Variants in TLN2 observed in about 807,000 individuals in gnomAD.
TLN2 encodes talin-2.
Under a neutral mutation model 294.7 loss-of-function variants are expected in TLN2, and 118 were observed. The observed-to-expected ratio is 0.40, with a 90% CI of 0.34 to 0.47. The LOEUF is 0.47. TLN2 is among the 20% of genes least tolerant of loss of function. TLN2 has a pLI of 0.84. For missense variants in TLN2, 3,083 were observed against 3,282.2 expected (o/e 0.94, Z 1.48); for synonymous variants, 1,431 against 1,304.5 (o/e 1.10, Z -2.09).
At chr15:62,422,219 C>CAAAAAAA (rs386383227) in intron 1 of TLN2, among the ~76,000 whole-genome samples, 2 of 55,350 alleles carry the variant, frequency 3.6e-5, no homozygotes, top group Non-Finnish European at 6.2e-5. Context: ...AACTCTGTCT[C>CAAAAAAA]AAAAAAAAAA....
At chr15:62,820,022 C>T (rs577827962) in intron 53 of TLN2, among the ~76,000 whole-genome samples, 1 of 152,310 alleles carries the variant, frequency 6.6e-6, no homozygotes, top group Admixed American at 6.5e-5. Context: ...TACATAGAAG[C>T]AATCAACCCA....
At chr15:62,675,457 C>T in intron 11 of TLN2, 136 bp downstream of exon 11, 4 of 780,436 alleles carry the variant, frequency 5.1e-6, no homozygotes. Flanking sequence ...TAGTGCTGAC[C>T]TGCGTTTAGC....
chr15:62,474,745 C>T (rs1329692618), intron 1 of TLN2, among the ~76,000 whole-genome samples: 1 of 152,162 alleles, frequency 6.6e-6, no homozygotes, highest in Non-Finnish European at 1.5e-5. Context: ...TTGCTTGTGT[C>T]TGAGTCGTCA....
intron 1 of TLN2, among the ~76,000 whole-genome samples, chr15:62,574,239 C>G (rs2044184196): frequency 6.6e-6 from 1 of 151,406 alleles, no homozygotes. Context: ...TCTTATTCAT[C>G]TAGAAATTTT....
At chr15:62,837,134 C>T (rs1036485143) in intron 57 of TLN2, among the ~76,000 whole-genome samples, 9 of 152,160 alleles carry the variant, frequency 5.9e-5, no homozygotes, top group Non-Finnish European at 1.3e-4. Context: ...TCATAAATGG[C>T]AGAAATCTCA....
intron 54 of TLN2, chr15:62,827,625 T>A (rs528282383): frequency 6.6e-6 from 1 of 152,320 alleles, no homozygotes; most frequent in South Asian, 2.1e-4. Flanking sequence ...TACCTGACGC[T>A]TACTGATTTG....
chr15:62,631,522 CT>C (rs1183808427), intron 3 of TLN2, among the ~76,000 whole-genome samples: 12 of 50,450 alleles, frequency 2.4e-4, no homozygotes, highest in African/African-American at 8.1e-4. Context: ...TTCTTTCTTC[CT>C]TTCCTTTCCT....
intron 1 of TLN2, among the ~76,000 whole-genome samples, chr15:62,578,018 T>A (rs2140674647): frequency 6.6e-6 from 1 of 152,342 alleles, no homozygotes; most frequent in East Asian, 1.9e-4. Flanking sequence ...ATAAAGGACA[T>A]GAACTCATCC....
chr15:62,655,909 AAC>A (rs780455100), intron 7 of TLN2, 33 bp from the exon 8 acceptor site: 2 of 1,609,144 alleles, frequency 1.2e-6, no homozygotes, highest in East Asian at 2.2e-5. Flanking sequence ...AGGAAAAATA[AAC>A]ACAGTTCTCT....
intron 35 of TLN2, 114 bp downstream of exon 35, chr15:62,752,541 A>G: frequency 6.9e-7 from 1 of 1,450,070 alleles, no homozygotes; most frequent in Non-Finnish European, 9.2e-7. Context: ...ACCATGGGAA[A>G]GGCAGTGGCT....
intron 4 of TLN2, among the ~76,000 whole-genome samples, chr15:62,649,409 G>T (rs948522921): frequency 9.2e-5 from 14 of 151,990 alleles, no homozygotes; most frequent in African/African-American, 3.1e-4. Flanking sequence ...CCCTCATCTG[G>T]GTCTCAGAAG....
At chr15:62,470,735 C>G (rs2037420792) in intron 1 of TLN2, among the ~76,000 whole-genome samples, 1 of 152,114 alleles carries the variant, frequency 6.6e-6, no homozygotes. Context: ...AGGCACTGTG[C>G]TGGGAGAGAA....
chr15:62,532,008 A>T (rs1212022069), intron 1 of TLN2, among the ~76,000 whole-genome samples: 1 of 151,036 alleles, frequency 6.6e-6, no homozygotes, highest in Non-Finnish European at 1.5e-5. Flanking sequence ...CAAATATCGC[A>T]CACTGGGAAT....
intron 14 of TLN2, among the ~76,000 whole-genome samples, chr15:62,694,938 G>A (rs941100149): frequency 2.0e-5 from 3 of 152,158 alleles, no homozygotes; most frequent in Non-Finnish European, 4.4e-5. Flanking sequence ...TTCTCTTCTG[G>A]CATGAGCTTA....
chr15:62,402,930 G>C (rs930882246), intron 1 of TLN2, among the ~76,000 whole-genome samples: 1 of 152,128 alleles, frequency 6.6e-6, no homozygotes, highest in Admixed American at 6.5e-5. Flanking sequence ...ACATGCAGTA[G>C]TACCTGTCAT....
chr15:62,580,736 T>A (rs1460627406), intron 1 of TLN2, among the ~76,000 whole-genome samples: 2 of 152,064 alleles, frequency 1.3e-5, no homozygotes, highest in African/African-American at 4.8e-5. Flanking sequence ...TGTTGCACGT[T>A]CTTTTGATTT....
At chr15:62,648,234 A>G (rs1293675463) in intron 4 of TLN2, among the ~76,000 whole-genome samples, 1 of 152,158 alleles carries the variant, frequency 6.6e-6, no homozygotes, top group Non-Finnish European at 1.5e-5. Context: ...CAGCCTAGGC[A>G]ACAGGTTGAA....
At chr15:62,643,347 C>A (rs549140245) in intron 3 of TLN2, among the ~76,000 whole-genome samples, 18 of 148,544 alleles carry the variant, frequency 1.2e-4, no homozygotes, top group African/African-American at 3.8e-4. Flanking sequence ...AACCCTGGGG[C>A]CTTTTAGTCT....
intron 36 of TLN2, 69 bp downstream of exon 36, chr15:62,753,985 A>T: frequency 7.2e-7 from 1 of 1,391,562 alleles, no homozygotes; most frequent in East Asian, 2.7e-5. Context: ...GTGGGAGACT[A>T]TGAGAAATTA....
Sources: allele counts gnomAD v4.1 joint callset (sites outside exome capture counted in the v4.1 genomes callset), GRCh38; gene constraint gnomAD v4.1.1; transcripts MANE v1.5; gene names NCBI Gene and HGNC (gene_info 2026-07-23, HGNC 2026-07-21).